Variants in NOL10 observed in about 807,000 individuals in gnomAD.
NOL10 encodes the protein H_NH0074G24.1.
A neutral mutation model predicts 103.5 loss-of-function variants in NOL10; 58 were observed. That is an observed-to-expected ratio of 0.56 (90% confidence interval 0.45 to 0.70). NOL10 has a LOEUF of 0.70. NOL10 is among the 30% of genes least tolerant of loss of function. The probability of loss-of-function intolerance (pLI) is 0.00; values close to 1 mark genes in which losing one functional copy is unlikely to be tolerated. For synonymous variants in NOL10, 287 were observed against 282.5 expected, an observed-to-expected ratio of 1.02 and a Z score of -0.16; for missense variants, 763 against 807.3, an observed-to-expected ratio of 0.95 and a Z score of 0.67.
chr2:10,612,302 C>T (rs1216528936), intron 13 of NOL10, among the ~76,000 whole-genome samples: 2 of 152,050 alleles, frequency 1.3e-5, no homozygotes, highest in Non-Finnish European at 2.9e-5. Context: ...ATTAAAACAA[C>T]AACAAAGTAC....
intron 3 of NOL10, among the ~76,000 whole-genome samples, chr2:10,678,501 A>G (rs1037487821): frequency 2.4e-4 from 36 of 152,252 alleles, no homozygotes; most frequent in Middle Eastern, 3.4e-3. Context: ...AAATTAACAC[A>G]ACCACTAAGG....
At chr2:10,673,030 A>ATCTG (rs1681054096) in intron 5 of NOL10, among the ~76,000 whole-genome samples, 1 of 152,192 alleles carries the variant, frequency 6.6e-6, no homozygotes, top group African/African-American at 2.4e-5. Flanking sequence ...TAATGGCACC[A>ATCTG]AAAAAGAGAA....
intron 9 of NOL10, 135 bp downstream of exon 9, chr2:10,662,824 G>C: frequency 1.4e-6 from 1 of 696,452 alleles, no homozygotes; most frequent in South Asian, 1.9e-5. Context: ...TTTTACAGGA[G>C]AGGATCTTTA....
intron 12 of NOL10, among the ~76,000 whole-genome samples, chr2:10,651,388 G>A (rs1679442991): frequency 6.6e-6 from 1 of 152,148 alleles, no homozygotes; most frequent in Non-Finnish European, 1.5e-5. Flanking sequence ...AACCACATAT[G>A]TGATTTTAAA....
chr2:10,579,012 T>C (rs968318435), intron 19 of NOL10, among the ~76,000 whole-genome samples: 5 of 152,210 alleles, frequency 3.3e-5, no homozygotes, highest in African/African-American at 4.8e-5. Flanking sequence ...AGTCTTTTTT[T>C]CCCTGAAATA....
intron 13 of NOL10, among the ~76,000 whole-genome samples, chr2:10,622,973 C>G (rs1042335873): frequency 2.0e-5 from 3 of 152,100 alleles, no homozygotes; most frequent in Admixed American, 6.5e-5. Context: ...ATCACTCCCC[C>G]ACGAATCACC....
intron 20 of NOL10, among the ~76,000 whole-genome samples, chr2:10,575,542 A>G (rs1674411933): frequency 6.6e-6 from 1 of 152,216 alleles, no homozygotes; most frequent in Non-Finnish European, 1.5e-5. Context: ...TTATGAGGCC[A>G]TTTAAAGCAA....
chr2:10,644,934 C>G (rs1678950894), intron 12 of NOL10, among the ~76,000 whole-genome samples: 1 of 152,204 alleles, frequency 6.6e-6, no homozygotes, highest in Non-Finnish European at 1.5e-5. Context: ...TTGCAACATA[C>G]TCCTTCCCCA....
At chr2:10,637,446 T>C (rs1475548539) in intron 13 of NOL10, among the ~76,000 whole-genome samples, 1 of 152,190 alleles carries the variant, frequency 6.6e-6, no homozygotes, top group Non-Finnish European at 1.5e-5. Context: ...CCTACTGCCT[T>C]GCCATCTTTA....
At chr2:10,675,498 C>T (rs911852655) in intron 4 of NOL10, among the ~76,000 whole-genome samples, 2 of 152,012 alleles carry the variant, frequency 1.3e-5, no homozygotes, top group East Asian at 3.9e-4. Context: ...AGCTGCCAGT[C>T]AATTCTAAAA....
chr2:10,588,994 G>T, intron 19 of NOL10, 49 bp downstream of exon 19: 1 of 1,597,502 alleles, frequency 6.3e-7, no homozygotes, highest in Non-Finnish European at 8.5e-7. Context: ...GAGAGGAAAA[G>T]CAAGGGCTTG....
chr2:10,649,311 ATTTTT>A (rs56031158), intron 12 of NOL10, among the ~76,000 whole-genome samples: 1 of 99,046 alleles, frequency 1.0e-5, no homozygotes, highest in Non-Finnish European at 1.9e-5. Context: ...GTATGTTTGA[ATTTTT>A]TTTTTTTTTT....
chr2:10,587,459 C>T (rs1347717956), intron 19 of NOL10, among the ~76,000 whole-genome samples: 3 of 150,076 alleles, frequency 2.0e-5, no homozygotes, highest in Admixed American at 1.3e-4. Context: ...TTAGTAGAGA[C>T]GGGGTTTCAC....
chr2:10,588,221 G>A (rs1463901713), intron 19 of NOL10, among the ~76,000 whole-genome samples: 1 of 152,122 alleles, frequency 6.6e-6, no homozygotes, highest in Non-Finnish European at 1.5e-5. Context: ...TTTTGGAAGG[G>A]TGGTAAATAT....
At chr2:10,631,599 G>A (rs183109848) in intron 13 of NOL10, among the ~76,000 whole-genome samples, 2 of 152,126 alleles carry the variant, frequency 1.3e-5, no homozygotes, top group Non-Finnish European at 1.5e-5. Flanking sequence ...CACAACGATT[G>A]CATCATACCA....
intron 12 of NOL10, among the ~76,000 whole-genome samples, chr2:10,645,269 A>G (rs1232297438): frequency 1.3e-5 from 2 of 152,238 alleles, no homozygotes; most frequent in Non-Finnish European, 2.9e-5. Context: ...TCAGCTAAAT[A>G]AGAATTCATT....
Position 10,587,112 on chromosome 2 carries a change from T to TATATATAC in NOL10, c.1844+1923_1844+1930dup, listed in dbSNP as rs1558270244. ...ACATATATATACACATATATATACATATATATACATATATATACATATATA... is the reference window on the plus strand; with the variant it reads ...ACATATATATACACATATATATACATATATATACATATATACATATATATACATATATA... On this transcript the variant is annotated intron_variant, in intron 19 of 20. Coordinates refer to ENST00000381685, the MANE Select transcript of NOL10 (RefSeq NM_024894.4). 4.3e-3 allele frequency among the ~76,000 whole-genome samples: 175 copies of TATATATAC among 40,650 alleles called. 48 individuals are homozygous for TATATATAC. Among genetic ancestry groups the TATATATAC allele is most frequent in the Non-Finnish European group, 6.4e-3 (150 of 23,472 alleles). The allele number at this position is 40,650 out of a possible 152,430, so 26.7% of individuals were successfully genotyped here.
chr2:10,605,968 C>T (rs2148191226), intron 14 of NOL10, among the ~76,000 whole-genome samples: 1 of 152,208 alleles, frequency 6.6e-6, no homozygotes, highest in Admixed American at 6.5e-5. Context: ...TCTATTTGTT[C>T]CAAAGACAAC....
chr2:10,633,629 T>C (rs1677988599), intron 13 of NOL10, among the ~76,000 whole-genome samples: 1 of 151,928 alleles, frequency 6.6e-6, no homozygotes, highest in South Asian at 2.1e-4. Flanking sequence ...TTAATAGAGA[T>C]CTATTCTCTG....
Sources: gnomAD v4.1 joint callset for allele counts (sites outside exome capture counted in the v4.1 genomes callset) on GRCh38, gnomAD v4.1.1 for gene constraint, MANE v1.5 for transcripts, NCBI Gene and HGNC (gene_info 2026-07-23, HGNC 2026-07-21) for gene names.